The following RNASEH2B variants were observed in gnomAD, a reference collection of about 807,000 sequenced individuals.
RNASEH2B encodes ribonuclease H2 subunit B.
In RNASEH2B, 36 loss-of-function variants were observed where a neutral mutation model predicts 45.0. The observed-to-expected ratio is 0.80, with a 90% CI of 0.61 to 1.06. The LOEUF (loss-of-function observed/expected upper bound fraction) is 1.06. RNASEH2B is among the 50% of genes least tolerant of loss of function. The probability of loss-of-function intolerance (pLI) is 0.00; values close to 1 mark genes in which losing one functional copy is unlikely to be tolerated. For synonymous variants in RNASEH2B, 119 were observed against 125.7 expected (o/e 0.95, Z 0.35); for missense variants, 361 against 360.3 (o/e 1.00, Z -0.02).
At chr13:50,938,586 TC>T (rs1951789776) in intron 5 of RNASEH2B, 1 of 152,186 alleles carries the variant, frequency 6.6e-6, no homozygotes, top group Non-Finnish European at 1.5e-5. Flanking sequence ...GTGAAACTGT[TC>T]CACCTCAGAT....
intron 5 of RNASEH2B, chr13:50,937,567 C>T (rs896297851): frequency 6.6e-6 from 1 of 152,094 alleles, no homozygotes; most frequent in African/African-American, 2.4e-5. Flanking sequence ...ACGTAAGATT[C>T]TCAAATGCCT....
At chr13:50,937,952 G>C (rs1267606416) in intron 5 of RNASEH2B, 1 of 152,096 alleles carries the variant, frequency 6.6e-6, no homozygotes, top group Non-Finnish European at 1.5e-5. Context: ...TGTGCAATAA[G>C]ACAAGAAAAA....
At chr13:50,926,612 A>G (rs1431330240) in intron 1 of RNASEH2B, among the ~76,000 whole-genome samples, 5 of 152,194 alleles carry the variant, frequency 3.3e-5, no homozygotes, top group Non-Finnish European at 7.4e-5. Flanking sequence ...TATAGTCCAG[A>G]TAGGTTAAAA....
At chr13:50,957,504 A>G (rs1952067129), downstream of RNASEH2B, among the ~76,000 whole-genome samples, 1 of 151,986 alleles carries the variant, frequency 6.6e-6, no homozygotes, top group Non-Finnish European at 1.5e-5. Flanking sequence ...TCCACTGTTG[A>G]TGGGCTCCTG....
chr13:50,956,034 C>G (rs1952042516), intron 10 of RNASEH2B: 1 of 244,462 alleles, frequency 4.1e-6, no homozygotes, highest in African/African-American at 2.3e-5. Context: ...ACAATTGCGG[C>G]CTGTGTCAGT....
At chr13:50,959,087 G>A (rs901849478), downstream of RNASEH2B, among the ~76,000 whole-genome samples, 5 of 152,058 alleles carry the variant, frequency 3.3e-5, no homozygotes, top group African/African-American at 1.2e-4. Context: ...TCCCTGATTA[G>A]TAGTGATTTT....
At position 50,953,991 on chromosome 13, in the gene RNASEH2B, T is replaced by C. The variant is rs76413207; in HGVS notation, c.822+6T>C. 1.3e-3 allele frequency: 1,975 copies of C among 1,563,916 alleles called. 24 individuals are homozygous for C. The African/African-American group carries it at 0.024, about 19-fold the overall frequency. Reference sequence around the variant, plus strand: ...AAGATTTGAAGACTGAAAAGGTATGTGGGTTCAGGTGTAGTGGTGTTTCGT... The same window carrying C: ...AAGATTTGAAGACTGAAAAGGTATGCGGGTTCAGGTGTAGTGGTGTTTCGT... On this transcript the variant is annotated splice_donor_region_variant and intron_variant, in intron 10 of 10. Coordinates refer to ENST00000336617, the MANE Select transcript of RNASEH2B (RefSeq NM_024570.4).
At chr13:50,960,274 A>C, downstream of RNASEH2B, 1 of 396,282 alleles carries the variant, frequency 2.5e-6, no homozygotes, top group Non-Finnish European at 4.3e-6. Context: ...TTAGTACATA[A>C]TATAGTATGT....
intron 9 of RNASEH2B, among the ~76,000 whole-genome samples, chr13:50,968,330 T>A (rs1210189126): frequency 7.9e-5 from 12 of 152,112 alleles, no homozygotes; most frequent in Admixed American, 7.9e-4. Context: ...AGGCTAGGAA[T>A]TCAAGGTTAC....
At chr13:50,970,060 C>T (rs1365668612) in exon 10 of RNASEH2B, 2 of 1,171,948 alleles carry the variant, frequency 1.7e-6, no homozygotes, top group Admixed American at 2.1e-5. Flanking sequence ...TTTGGAAAAT[C>T]GCCAGGTGCC....
At chr13:50,916,166 G>GT (rs772193562) in intron 1 of RNASEH2B, among the ~76,000 whole-genome samples, 5 of 151,698 alleles carry the variant, frequency 3.3e-5, no homozygotes, top group Non-Finnish European at 5.9e-5. Flanking sequence ...TTTCTTTCCA[G>GT]TTTTTTCATG....
chr13:50,952,926 A>G (rs944186941), intron 9 of RNASEH2B: 5 of 152,168 alleles, frequency 3.3e-5, no homozygotes, highest in Non-Finnish European at 7.3e-5. Context: ...GTTATGGGAT[A>G]AAACACCATG....
At chr13:50,933,959 T>C (rs564782213) in intron 4 of RNASEH2B, 1 of 152,338 alleles carries the variant, frequency 6.6e-6, no homozygotes, top group South Asian at 2.1e-4. Flanking sequence ...TGTTCTTAAA[T>C]GATTGAGAAG....
chr13:50,924,717 T>C (rs1951570144), intron 1 of RNASEH2B, among the ~76,000 whole-genome samples: 1 of 152,014 alleles, frequency 6.6e-6, no homozygotes, highest in South Asian at 2.1e-4. Context: ...TGCCACCACA[T>C]GTGTATTTTT....
chr13:50,946,533 T>C (rs769699809), intron 7 of RNASEH2B, among the ~76,000 whole-genome samples: 16 of 152,106 alleles, frequency 1.1e-4, no homozygotes, highest in Non-Finnish European at 1.5e-4. Flanking sequence ...TTGAGATAGA[T>C]GATTAATGGA....
chr13:50,919,466 C>G (rs1951489111), intron 1 of RNASEH2B, among the ~76,000 whole-genome samples: 1 of 152,198 alleles, frequency 6.6e-6, no homozygotes, highest in South Asian at 2.1e-4. Flanking sequence ...CCTTTCTCTT[C>G]CTTCTGCCCC....
At chr13:50,946,252 G>A (rs1168465551) in intron 7 of RNASEH2B, among the ~76,000 whole-genome samples, 1 of 152,132 alleles carries the variant, frequency 6.6e-6, no homozygotes, top group East Asian at 1.9e-4. Flanking sequence ...ATCTCAAATG[G>A]TGAGACAGAA....
intron 1 of RNASEH2B, among the ~76,000 whole-genome samples, chr13:50,918,327 C>T (rs960464692): frequency 8.5e-5 from 13 of 152,206 alleles, no homozygotes; most frequent in African/African-American, 2.2e-4. Context: ...TTAGTAGACA[C>T]GGGGTTTCAC....
chr13:50,939,115 G>A (rs1951799190), intron 5 of RNASEH2B: 1 of 152,464 alleles, frequency 6.6e-6, no homozygotes, highest in Non-Finnish European at 1.5e-5. Context: ...AGCACTTTGG[G>A]AGGCCAGCGC....
Sources: gnomAD v4.1 joint callset for allele counts (sites outside exome capture counted in the v4.1 genomes callset) on GRCh38, gnomAD v4.1.1 for gene constraint, MANE v1.5 for transcripts, NCBI Gene and HGNC (gene_info 2026-07-23, HGNC 2026-07-21) for gene names.